BLVRA: variants seen among roughly 807,000 people sequenced by gnomAD.
BLVRA encodes biliverdin reductase A.
A neutral mutation model predicts 32.8 loss-of-function variants in BLVRA; 22 were observed. That is an observed-to-expected ratio of 0.67 (90% CI 0.48 to 0.96). The LOEUF (loss-of-function observed/expected upper bound fraction) is 0.96, where lower values mean the gene tolerates loss of function less well. Among genes scored for constraint, BLVRA ranks in the 40% least tolerant of loss-of-function variants. BLVRA has a pLI of 0.00. For synonymous variants in BLVRA, 119 were observed against 141.3 expected, an observed-to-expected ratio of 0.84 and a Z score of 1.12; for missense variants, 323 against 358.1, an observed-to-expected ratio of 0.90 and a Z score of 0.79.
At chr7:43,774,046 G>A (rs1325841536) in intron 2 of BLVRA, among the ~76,000 whole-genome samples, 1 of 152,102 alleles carries the variant, frequency 6.6e-6, no homozygotes, top group Non-Finnish European at 1.5e-5. Context: ...TTAGCCCTTT[G>A]TCAGATGAGT....
intron 7 of BLVRA, among the ~76,000 whole-genome samples, chr7:43,804,973 A>G (rs1442470584): frequency 3.3e-5 from 5 of 152,238 alleles, no homozygotes; most frequent in African/African-American, 1.2e-4. Context: ...GAGGCCTGGC[A>G]GATGAAAGCA....
At chr7:43,788,198 A>C (rs954575433) in intron 3 of BLVRA, among the ~76,000 whole-genome samples, 173 bp downstream of exon 3, 4 of 152,124 alleles carry the variant, frequency 2.6e-5, no homozygotes, top group African/African-American at 9.7e-5. Flanking sequence ...TGGGAACTGA[A>C]GCTTGCTGGG....
chr7:43,803,812 GA>G lies in BLVRA; in HGVS notation c.601del (p.Met201Ter). ...AAGAGCGAAAGGAAGATCAGTATAT[GA>G]AAATGACAGTGTGTCTGGAGACAGA... ...LEERKEDQYMKMTVCLETEKK... is the reference protein window; with the variant it reads ...LEERKEDQYMXMTVCLETEKK... On this transcript the variant is annotated frameshift_variant, in exon 7 of 8. Transcript: ENST00000265523. LOFTEE classifies it high-confidence loss of function. The G allele has an allele frequency of 6.2e-7, 1 of 1,614,128 alleles. No individual in the cohort carries two copies. The highest frequency in any genetic ancestry group is 8.5e-7 in the Non-Finnish European group (1 of 1,179,984).
intron 1 of BLVRA, among the ~76,000 whole-genome samples, chr7:43,770,164 G>A (rs914380350): frequency 6.6e-6 from 1 of 152,100 alleles, no homozygotes; most frequent in Non-Finnish European, 1.5e-5. Flanking sequence ...AGTGGTCATC[G>A]TCATCGGCTT....
chr7:43,767,322 A>G, intron 1 of BLVRA: 1 of 1,480,708 alleles, frequency 6.8e-7, no homozygotes, highest in South Asian at 1.1e-5. Flanking sequence ...CGCTGAACGC[A>G]CTGCAGCCTC....
intron 2 of BLVRA, among the ~76,000 whole-genome samples, chr7:43,785,844 T>C (rs1289505067): frequency 6.6e-6 from 1 of 152,208 alleles, no homozygotes; most frequent in Non-Finnish European, 1.5e-5. Flanking sequence ...TAAAGTAGAC[T>C]GTGGTAAGTA....
At chr7:43,789,017 A>C (rs117825017) in intron 3 of BLVRA, among the ~76,000 whole-genome samples, 4 of 151,214 alleles carry the variant, frequency 2.6e-5, no homozygotes, top group African/African-American at 9.7e-5. Context: ...CCCATGCTCA[A>C]ATTTTCCACT....
chr7:43,803,733 T>C lies in BLVRA; in HGVS notation c.518T>C (p.Leu173Pro). Residue 173 changes from leucine to proline, a missense_variant, in exon 7 of 8, where the codon CTG (leucine) becomes CCG (proline). Leu to Pro is a moderately conservative substitution (Grantham distance 98). Transcript: ENST00000265523. Reference sequence around the variant, plus strand: ...CCTGCATTCAGCGGCATCTCTCGCCTGACCTGGCTGGTCTCCCTCTTTGGG... The same window carrying C: ...CCTGCATTCAGCGGCATCTCTCGCCCGACCTGGCTGGTCTCCCTCTTTGGG... ...GFPAFSGISR[L>P]TWLVSLFGEL... 6.2e-7 allele frequency: 1 copy of C among 1,614,066 alleles called. No individual in the cohort carries two copies. The highest frequency in any genetic ancestry group is 1.1e-5 in the South Asian group (1 of 91,076).
chr7:43,783,146 T>C (rs1393351469), intron 2 of BLVRA, among the ~76,000 whole-genome samples: 1 of 151,986 alleles, frequency 6.6e-6, no homozygotes, highest in Non-Finnish European at 1.5e-5. Flanking sequence ...ATATTTTAGA[T>C]AGTGAATACA....
At chr7:43,798,343 T>C (rs2095795131) in intron 5 of BLVRA, among the ~76,000 whole-genome samples, 2 of 152,084 alleles carry the variant, frequency 1.3e-5, no homozygotes. Flanking sequence ...CCACTGAAAG[T>C]TACTTTTTTT....
rs556106032 is a variant in BLVRA at position 43,791,765 on chromosome 7, A to G, written c.254+397A>G. 51 of 214,748 alleles carry G rather than the reference A, an allele frequency of 2.4e-4. 1 individual carries two copies. The South Asian group carries it at 3.0e-3, about 13-fold the overall frequency. 13.3% of individuals were successfully genotyped at this position (214,748 alleles called of 1,614,324 possible). The stretch of plus-strand genomic sequence containing the variant: ...CCTTCTCAGTTTGGATCAGCTTCCA[A>G]CGTTTTCTCCTTTGTGCTTTCAATG... On this transcript the variant is annotated intron_variant, in intron 4 of 7. Coordinates refer to ENST00000265523, the MANE Select transcript of BLVRA (RefSeq NM_000712.4).
chr7:43,796,121 C>CAAAAAAAAAA (rs371922009), intron 5 of BLVRA, among the ~76,000 whole-genome samples: 6 of 66,308 alleles, frequency 9.0e-5, no homozygotes, highest in Non-Finnish European at 1.2e-4. Flanking sequence ...CTCTGTCTCA[C>CAAAAAAAAAA]AAAAAAAAAA....
intron 5 of BLVRA, among the ~76,000 whole-genome samples, chr7:43,797,400 T>C (rs1237266822): frequency 6.6e-6 from 1 of 152,274 alleles, no homozygotes; most frequent in Admixed American, 6.5e-5. Flanking sequence ...ATAACGTATT[T>C]TTAAATTAAG....
rs1240490493 is a variant in BLVRA, at chr7:43,800,214, C to T, written c.353-251C>T. 2.0e-5 allele frequency among the ~76,000 whole-genome samples: 3 copies of T among 152,294 alleles called. No individual in the cohort carries two copies. In the East Asian group the frequency reaches 5.8e-4, roughly 29 times the overall value. ...CAGGTGATCTGCCAGCCTCGGCCTT[C>T]CAAAGTGCTGGGATTACAGGCATGA... On this transcript the variant is annotated intron_variant, in intron 5 of 7. Coordinates refer to ENST00000265523, the MANE Select transcript of BLVRA (RefSeq NM_000712.4).
intron 1 of BLVRA, among the ~76,000 whole-genome samples, chr7:43,768,150 G>T (rs1400439492): frequency 6.6e-6 from 1 of 152,212 alleles, no homozygotes; most frequent in Non-Finnish European, 1.5e-5. Flanking sequence ...TACATTCTGT[G>T]ATCATGACTG....
At chr7:43,794,552 T>C (rs558937391) in intron 5 of BLVRA, among the ~76,000 whole-genome samples, 1 of 152,220 alleles carries the variant, frequency 6.6e-6, no homozygotes. Context: ...CTGGCCAACA[T>C]GGTGAAACCC....
intron 5 of BLVRA, among the ~76,000 whole-genome samples, chr7:43,798,460 A>T (rs1379819358): frequency 1.3e-5 from 2 of 152,000 alleles, no homozygotes; most frequent in Non-Finnish European, 2.9e-5. Flanking sequence ...ATCAGTAGAA[A>T]CTCATAGCTT....
At chr7:43,778,226 T>C (rs1424253727) in intron 2 of BLVRA, among the ~76,000 whole-genome samples, 1 of 152,254 alleles carries the variant, frequency 6.6e-6, no homozygotes, top group African/African-American at 2.4e-5. Context: ...GCTCTGCTTT[T>C]TAGAGTTTCC....
chr7:43,761,121 G>T (rs904274442), intron 1 of BLVRA, among the ~76,000 whole-genome samples: 2 of 152,140 alleles, frequency 1.3e-5, no homozygotes, highest in African/African-American at 4.8e-5. Context: ...TGAGCTGCTA[G>T]ATCTGCCTTA....
Sources: allele counts gnomAD v4.1 joint callset (sites outside exome capture counted in the v4.1 genomes callset), GRCh38; gene constraint gnomAD v4.1.1; transcripts MANE v1.5; gene names NCBI Gene and HGNC (gene_info 2026-07-23, HGNC 2026-07-21).